Variants in CNTN4 observed in about 807,000 individuals in gnomAD.
CNTN4 encodes the protein contactin-4.
CNTN4 carries 77 observed loss-of-function variants against 122.5 expected under a neutral mutation model. The ratio of observed to expected loss-of-function variants is 0.63; its 90% CI spans 0.52 to 0.76. The LOEUF is 0.76. Among genes scored for constraint, CNTN4 ranks in the 30% least tolerant of loss-of-function variants. The pLI is 0.00. For missense variants in CNTN4, 1,256 were observed against 1,259.1 expected (o/e 1.00, Z 0.04); for synonymous variants, 512 against 447.0 (o/e 1.15, Z -1.83).
intron 4 of CNTN4, among the ~76,000 whole-genome samples, chr3:2,704,053 G>T (rs1185895064): frequency 2.0e-5 from 3 of 152,010 alleles, no homozygotes; most frequent in Non-Finnish European, 2.9e-5. Context: ...AGAACTTTGG[G>T]AGGCTGAGGC....
chr3:2,716,312 T>A (rs910879605), intron 4 of CNTN4, among the ~76,000 whole-genome samples: 2 of 151,518 alleles, frequency 1.3e-5, no homozygotes, highest in Admixed American at 6.6e-5. Flanking sequence ...TATATCATTA[T>A]TGTATATTAT....
chr3:2,200,606 A>G (rs1484665819), intron 2 of CNTN4, among the ~76,000 whole-genome samples: 2 of 152,220 alleles, frequency 1.3e-5, no homozygotes, highest in African/African-American at 4.8e-5. Flanking sequence ...AAACCCTGAA[A>G]TAGCACCTTA....
chr3:2,417,345 A>T (rs998704947), intron 3 of CNTN4, among the ~76,000 whole-genome samples: 2 of 152,230 alleles, frequency 1.3e-5, no homozygotes, highest in African/African-American at 4.8e-5. Context: ...AGAACAAGAC[A>T]GGAACATTGA....
At chr3:2,916,305 A>G (rs1366924308) in intron 12 of CNTN4, among the ~76,000 whole-genome samples, 1 of 151,340 alleles carries the variant, frequency 6.6e-6, no homozygotes, top group African/African-American at 2.4e-5. Flanking sequence ...GCAGATAAAC[A>G]AGTGAACAAG....
chr3:2,598,295 G>A (rs2149716394), intron 4 of CNTN4, among the ~76,000 whole-genome samples: 1 of 152,260 alleles, frequency 6.6e-6, no homozygotes, highest in Admixed American at 6.5e-5. Flanking sequence ...TCCGTAAATT[G>A]CAGTGGTATT....
At chr3:2,283,501 A>C (rs1235284379) in intron 2 of CNTN4, among the ~76,000 whole-genome samples, 1 of 152,156 alleles carries the variant, frequency 6.6e-6, no homozygotes, top group Non-Finnish European at 1.5e-5. Context: ...CTCACAAAGC[A>C]GTACATGCCA....
At position 2,534,029 on chromosome 3, in the gene CNTN4, C is replaced by G. The variant is rs183513834; in HGVS notation, c.-88-37387C>G. On this transcript the variant is annotated intron_variant, in intron 3 of 24. Coordinates refer to ENST00000418658, the MANE Select transcript of CNTN4 (RefSeq NM_175607.3). ...AGCCCTTTGTCAGATGAGTAGATTG[C>G]AAAAATTTTCTCCCATGCTGTAGGT... is the stretch of plus-strand genomic sequence containing the variant. 5.9e-4 allele frequency among the ~76,000 whole-genome samples: 89 copies of G among 151,778 alleles called. No homozygotes were observed. The East Asian group carries it at 0.016, about 27-fold the overall frequency.
At chr3:2,532,748 G>T (rs953433775) in intron 3 of CNTN4, among the ~76,000 whole-genome samples, 6 of 152,076 alleles carry the variant, frequency 3.9e-5, no homozygotes, top group African/African-American at 1.4e-4. Flanking sequence ...AGTAACTATA[G>T]CAGTCTTCAT....
intron 3 of CNTN4, among the ~76,000 whole-genome samples, chr3:2,565,382 A>T (rs1442676815): frequency 6.6e-6 from 1 of 152,178 alleles, no homozygotes. Flanking sequence ...TAGGAATGAA[A>T]ATCTGTTTTT....
At chr3:2,407,907 AT>A (rs1463920743) in intron 3 of CNTN4, among the ~76,000 whole-genome samples, 1 of 152,218 alleles carries the variant, frequency 6.6e-6, no homozygotes. Context: ...CATACTCCTA[AT>A]AATACACGTA....
At chr3:2,830,542 G>A (rs1306331516) in intron 7 of CNTN4, among the ~76,000 whole-genome samples, 1 of 152,202 alleles carries the variant, frequency 6.6e-6, no homozygotes, top group African/African-American at 2.4e-5. Context: ...TAGAACATAG[G>A]TTGGGACATG....
At chr3:3,032,940 A>T (rs908277462) in intron 16 of CNTN4, among the ~76,000 whole-genome samples, 1 of 151,986 alleles carries the variant, frequency 6.6e-6, no homozygotes, top group African/African-American at 2.4e-5. Context: ...GCAGGAAGAT[A>T]AAAAAAAGAA....
At chr3:2,347,873 TCTTG>T (rs2044463537) in intron 3 of CNTN4, among the ~76,000 whole-genome samples, 1 of 152,130 alleles carries the variant, frequency 6.6e-6, no homozygotes, top group South Asian at 2.1e-4. Context: ...AGTCATGTTT[TCTTG>T]CTTTATCATG....
At chr3:2,178,755 T>G (rs2149273108) in intron 2 of CNTN4, among the ~76,000 whole-genome samples, 1 of 152,182 alleles carries the variant, frequency 6.6e-6, no homozygotes, top group South Asian at 2.1e-4. Context: ...GGGGTAGGTA[T>G]TCTGTTATCA....
chr3:2,900,956 G>C, intron 11 of CNTN4, 135 bp downstream of exon 11: 2 of 1,129,004 alleles, frequency 1.8e-6, no homozygotes, highest in Non-Finnish European at 2.6e-6. Flanking sequence ...TGGAAAAAGT[G>C]AGAGTGAATG....
chr3:2,261,337 A>G (rs898367452), intron 2 of CNTN4, among the ~76,000 whole-genome samples: 4 of 152,194 alleles, frequency 2.6e-5, no homozygotes, highest in African/African-American at 9.6e-5. Flanking sequence ...CTTACAGAGT[A>G]AAATTCTCAA....
chr3:2,396,167 A>G (rs1024504262), intron 3 of CNTN4, among the ~76,000 whole-genome samples: 16 of 151,872 alleles, frequency 1.1e-4, no homozygotes, highest in Admixed American at 2.0e-4. Context: ...TGGGACCACA[A>G]GCATGCACCA....
chr3:2,622,836 A>G (rs1295713025), intron 4 of CNTN4, among the ~76,000 whole-genome samples: 1 of 152,226 alleles, frequency 6.6e-6, no homozygotes, highest in Non-Finnish European at 1.5e-5. Context: ...GGAAAAGCTG[A>G]GATCTGAGAC....
chr3:2,211,777 A>G (rs2038632820), intron 2 of CNTN4, among the ~76,000 whole-genome samples: 1 of 152,146 alleles, frequency 6.6e-6, no homozygotes, highest in Non-Finnish European at 1.5e-5. Flanking sequence ...CAACCCATTT[A>G]GTCAGTCAAA....
Sources: gnomAD v4.1 joint callset for allele counts (sites outside exome capture counted in the v4.1 genomes callset) on GRCh38, gnomAD v4.1.1 for gene constraint, MANE v1.5 for transcripts, NCBI Gene and HGNC (gene_info 2026-07-23, HGNC 2026-07-21) for gene names.